Variants in SLC38A7 observed in about 807,000 individuals in gnomAD.
SLC38A7 encodes sodium-coupled neutral amino acid transporter 7.
In SLC38A7, 29 loss-of-function variants were observed where a neutral mutation model predicts 50.1. The observed-to-expected ratio is 0.58, with a 90% confidence interval of 0.43 to 0.79. The LOEUF (loss-of-function observed/expected upper bound fraction) is 0.79. SLC38A7 is among the 30% of genes least tolerant of loss of function. SLC38A7 has a pLI of 0.00. For synonymous variants in SLC38A7, 244 were observed against 245.9 expected (o/e 0.99, Z 0.07); for missense variants, 483 against 610.6 (o/e 0.79, Z 2.20).
At chr16:58,680,451 A>G (rs1435641987) in intron 2 of SLC38A7, among the ~76,000 whole-genome samples, 2 of 152,200 alleles carry the variant, frequency 1.3e-5, no homozygotes, top group Non-Finnish European at 2.9e-5. Context: ...TACAGACTCA[A>G]TGGACCAGTT....
chr16:58,678,732 C>T lies in SLC38A7; in HGVS notation c.433G>A (p.Ala145Thr), dbSNP rs776619677. 10 of 1,614,150 alleles carry T rather than the reference C, an allele frequency of 6.2e-6. No homozygotes were observed. Among genetic ancestry groups the T allele is most frequent in the Non-Finnish European group, 8.5e-6 (10 of 1,180,018 alleles). ...TGGTCGCCAATGATGATTAGGAAGG[C>T]AATGCAGGTGCCAAAGGTGTAGACA... ...IAVYTFGTCI[A>T]FLIIIGDQQD... Residue 145 changes from alanine to threonine, a missense_variant, in exon 4 of 12, where the codon GCC becomes ACC. Coordinates refer to ENST00000219320, the MANE Select transcript of SLC38A7 (RefSeq NM_018231.3). This position sits in a 1 kb window ranked among gnomAD's most constrained non-coding sequence, Gnocchi z 4.0.
intron 7 of SLC38A7, 75 bp downstream of exon 7, chr16:58,676,214 T>A: frequency 6.2e-7 from 1 of 1,603,360 alleles, no homozygotes; most frequent in Non-Finnish European, 8.5e-7. Context: ...CCTGGGTTCC[T>A]CCTCCTTGCT....
At chr16:58,679,775 G>T in intron 3 of SLC38A7, 82 bp downstream of exon 3, 1 of 1,572,070 alleles carries the variant, frequency 6.4e-7, no homozygotes, top group Non-Finnish European at 8.7e-7. Flanking sequence ...TCACTTACTG[G>T]CCATCCCTGA....
chr16:58,672,774 G>T (rs1462619271), intron 8 of SLC38A7, among the ~76,000 whole-genome samples: 1 of 152,028 alleles, frequency 6.6e-6, no homozygotes, highest in Non-Finnish European at 1.5e-5. Flanking sequence ...AGCCTCCCAG[G>T]TAGCTAGGAC....
chr16:58,676,807 A>G (rs985109230), intron 6 of SLC38A7, among the ~76,000 whole-genome samples: 14 of 151,716 alleles, frequency 9.2e-5, no homozygotes, highest in African/African-American at 3.4e-4. Flanking sequence ...GCCTGCCACC[A>G]CACCCGGCTA....
rs1486853694 is a variant in SLC38A7 at position 58,676,204 on chromosome 16, CCTGGGTTCCTCCTCCTTG to C, written c.768+67_768+84del. Reference sequence around the variant, plus strand: ...TCCCCCCAGGATTTCCTCCATTCTGCCTGGGTTCCTCCTCCTTGCTGGGTTCCATCCCAGGGTGGGGTG... The same window carrying C: ...TCCCCCCAGGATTTCCTCCATTCTGCCTGGGTTCCATCCCAGGGTGGGGTG... On this transcript the variant is annotated intron_variant, in intron 7 of 11. Coordinates refer to ENST00000219320, the MANE Select transcript of SLC38A7 (RefSeq NM_018231.3). 3.1e-6 allele frequency: 5 copies of C among 1,595,510 alleles called. No individual in the cohort carries two copies. The Admixed American group carries it at 5.0e-5, about 16-fold the overall frequency.
At chr16:58,683,116 C>G (rs905103431) in intron 2 of SLC38A7, among the ~76,000 whole-genome samples, 13 of 152,020 alleles carry the variant, frequency 8.6e-5, no homozygotes, top group African/African-American at 2.9e-4. Flanking sequence ...TGGGCTCAAG[C>G]AATCCTGCTG....
intron 11 of SLC38A7, 139 bp downstream of exon 11, chr16:58,669,974 C>CAAAA: frequency 1.4e-5 from 8 of 591,528 alleles, no homozygotes; most frequent in South Asian, 2.8e-5. Context: ...GACTCCGGCT[C>CAAAA]AAAAAAAAAA....
chr16:58,671,040 C>T lies in SLC38A7; in HGVS notation c.1231+5G>A, dbSNP rs532477633. ...GCTGTGAGATGGGGCGCCAGGGGTC[C>T]GCACCTGGGAAGACGAAGATGAAGC... On this transcript the variant is annotated splice_donor_5th_base_variant and intron_variant, in intron 10 of 11. Coordinates refer to ENST00000219320, the MANE Select transcript of SLC38A7 (RefSeq NM_018231.3). 1.6e-5 allele frequency: 25 copies of T among 1,582,910 alleles called. No individual in the cohort carries two copies. Among genetic ancestry groups the T allele is most frequent in the African/African-American group, 1.5e-4 (11 of 74,074 alleles).
intron 2 of SLC38A7, chr16:58,681,284 C>T (rs575595715): frequency 1.6e-4 from 25 of 152,322 alleles, no homozygotes; most frequent in African/African-American, 5.1e-4. Flanking sequence ...GATTCAAACC[C>T]AGGCCTGTCT....
chr16:58,670,047 C>T (rs2044129929), intron 11 of SLC38A7, 66 bp downstream of exon 11: 11 of 1,444,012 alleles, frequency 7.6e-6, no homozygotes, highest in South Asian at 4.7e-5. Context: ...TGTTTTAAGG[C>T]CCCCACAAAG....
intron 3 of SLC38A7, 131 bp downstream of exon 3, chr16:58,679,726 T>G: frequency 8.3e-7 from 1 of 1,208,692 alleles, no homozygotes; most frequent in Non-Finnish European, 1.2e-6. Flanking sequence ...AGATTAGTCA[T>G]GTCTGCCATG....
intron 6 of SLC38A7, 68 bp from the exon 7 acceptor site, chr16:58,676,414 C>T: frequency 6.4e-7 from 1 of 1,562,418 alleles, no homozygotes; most frequent in Admixed American, 1.7e-5. Context: ...CCCACGCCCT[C>T]ACTCTTCGGT....
rs756326849 is a variant in SLC38A7, at chr16:58,677,382, A to G, written c.654T>C (p.Val218=). 1.2e-6 allele frequency: 2 copies of G among 1,613,510 alleles called. No individual in the cohort carries two copies. The highest frequency in any genetic ancestry group is 1.7e-6 in the Non-Finnish European group (2 of 1,179,862). ...TATCTGGCCAGATGTACTTGATGATAACGATGGCTGTGACGTACCAGGTAC... is the reference window on the plus strand; with the variant it reads ...TATCTGGCCAGATGTACTTGATGATGACGATGGCTGTGACGTACCAGGTAC... The part of the protein sequence containing the change: ...VVGTWYVTAI[V]IIKYIWPDKE... Residue 218 remains valine, a synonymous_variant, in exon 6 of 12, where the codon GTT becomes GTC. Transcript: ENST00000219320.
chr16:58,682,307 G>A (rs897246420), intron 2 of SLC38A7, among the ~76,000 whole-genome samples: 2 of 152,134 alleles, frequency 1.3e-5, no homozygotes, highest in Non-Finnish European at 1.5e-5. Flanking sequence ...GGAGGAGCCA[G>A]GGCAGTCTTC....
rs2044321400 is a variant in SLC38A7 at position 58,678,690 on chromosome 16, G to T, written c.469+6C>A. On this transcript the variant is annotated splice_donor_region_variant and intron_variant, in intron 4 of 11. Transcript: ENST00000219320. This position sits in a 1 kb window ranked among gnomAD's most constrained non-coding sequence, Gnocchi z 4.0. ...AGATGGGGTAGGGACTGAGGGAGAA[G>T]CTCACTCTTGTCCTGCTGGTCGCCA... The T allele has an allele frequency of 5.6e-6, 9 of 1,613,512 alleles. No individual in the cohort carries two copies. The Middle Eastern group carries it at 9.9e-4, about 178-fold the overall frequency.
intron 8 of SLC38A7, among the ~76,000 whole-genome samples, chr16:58,672,683 G>A (rs2044181986): frequency 6.6e-6 from 1 of 152,056 alleles, no homozygotes; most frequent in South Asian, 2.1e-4. Context: ...GTCTTGCCCT[G>A]TTACCCAGAC....
chr16:58,674,276 C>T (rs946739464), intron 8 of SLC38A7, among the ~76,000 whole-genome samples: 11 of 152,044 alleles, frequency 7.2e-5, no homozygotes, highest in African/African-American at 2.4e-4. Flanking sequence ...TCCCCTAACA[C>T]TCATTTCTCT....
chr16:58,676,956 C>A (rs952541098), intron 6 of SLC38A7, among the ~76,000 whole-genome samples: 1 of 151,508 alleles, frequency 6.6e-6, no homozygotes, highest in Admixed American at 6.6e-5. Flanking sequence ...GCCTGGCCCC[C>A]CCCCTTTTTT....
Sources: gnomAD v4.1 joint callset for allele counts (sites outside exome capture counted in the v4.1 genomes callset) on GRCh38, gnomAD v4.1.1 for gene constraint, Gnocchi (gnomAD v3.1) non-coding constraint, MANE v1.5 for transcripts, NCBI Gene and HGNC (gene_info 2026-07-23, HGNC 2026-07-21) for gene names.